Variants in PPP1R9A observed in about 807,000 individuals in gnomAD.
PPP1R9A encodes neurabin-1.
A neutral mutation model predicts 141.9 loss-of-function variants in PPP1R9A; 59 were observed. The ratio of observed to expected loss-of-function variants is 0.42; its 90% CI spans 0.34 to 0.52. The LOEUF (loss-of-function observed/expected upper bound fraction) is 0.52, where lower values mean the gene tolerates loss of function less well. PPP1R9A is among the 20% of genes least tolerant of loss of function. The probability of loss-of-function intolerance (pLI) is 0.10; values close to 1 mark genes in which losing one functional copy is unlikely to be tolerated. For missense variants in PPP1R9A, 1,444 were observed against 1,611.9 expected (o/e 0.90, Z 1.78); for synonymous variants, 500 against 569.7 (o/e 0.88, Z 1.74).
At chr7:95,025,456 G>T (rs6943421) in intron 2 of PPP1R9A, among the ~76,000 whole-genome samples, 55,488 of 152,010 alleles carry the variant, frequency 0.37, 11,317 homozygotes, top group Middle Eastern at 0.5. Flanking sequence ...TAGCCTGATG[G>T]GCTTGCCTTT....
intron 4 of PPP1R9A, among the ~76,000 whole-genome samples, chr7:95,141,582 G>T (rs1264198817): frequency 4.0e-5 from 6 of 150,608 alleles, no homozygotes; most frequent in Non-Finnish European, 8.8e-5. Flanking sequence ...TATACATTTG[G>T]CTCTCCTGGC....
intron 7 of PPP1R9A, among the ~76,000 whole-genome samples, chr7:95,208,956 TAAAA>T (rs10670515): frequency 1.0e-4 from 8 of 76,922 alleles, no homozygotes; most frequent in Non-Finnish European, 1.7e-4. Context: ...ATAGCAAAAC[TAAAA>T]AAAAAAAAAA....
chr7:94,930,818 A>T (rs73423017), intron 2 of PPP1R9A, among the ~76,000 whole-genome samples: 22 of 152,318 alleles, frequency 1.4e-4, no homozygotes, highest in African/African-American at 5.3e-4. Context: ...GGTTAACATT[A>T]CCTATTTAGC....
At chr7:95,160,562 G>A (rs1830329097) in intron 4 of PPP1R9A, among the ~76,000 whole-genome samples, 1 of 151,522 alleles carries the variant, frequency 6.6e-6, no homozygotes, top group South Asian at 2.1e-4. Context: ...TACATGTGCA[G>A]ATTTGTTACC....
chr7:95,223,899 AGTCT>A (rs1308514135), intron 7 of PPP1R9A, among the ~76,000 whole-genome samples: 1 of 152,044 alleles, frequency 6.6e-6, no homozygotes, highest in African/African-American at 2.4e-5. Flanking sequence ...TTTACTTGCC[AGTCT>A]TGCTGCATTC....
At chr7:94,936,011 A>G (rs1020426072) in intron 2 of PPP1R9A, among the ~76,000 whole-genome samples, 1 of 152,202 alleles carries the variant, frequency 6.6e-6, no homozygotes, top group African/African-American at 2.4e-5. Flanking sequence ...GGCTATGTTT[A>G]CATTTGTAAA....
Position 94,974,547 on chromosome 7 carries a change from A to G in PPP1R9A, c.1395+63039A>G, listed in dbSNP as rs1204544047. Among the ~76,000 whole-genome samples, 3 of 152,192 alleles carry G rather than the reference A, an allele frequency of 2.0e-5. No individual in the cohort carries two copies. The East Asian group carries it at 5.8e-4, about 29-fold the overall frequency. On this transcript the variant is annotated intron_variant, in intron 2 of 19. Transcript: ENST00000433360. ...AAGGTGTTGGAAAAAGAACAAGAGC[A>G]TGTCCTTTTCTTCTGATTAATTCAT...
chr7:94,910,425 A>C lies in PPP1R9A; in HGVS notation c.312A>C (p.Glu104Asp). 2 of 1,614,136 alleles carry C rather than the reference A, an allele frequency of 1.2e-6. No homozygotes were observed. Among genetic ancestry groups the C allele is most frequent in the Non-Finnish European group, 8.5e-7 (1 of 1,180,018 alleles). ...CTCAGAGAAGAATGAAGCCCAAAGA[A>C]TTTCTGGAAAAAACAGATGGCTCAG... ...SSPQRRMKPK[E>D]FLEKTDGSVV... The change falls in exon 2 of 20, where the codon GAA (glutamate) becomes GAC (aspartate). Residue 104 changes from glutamate (E) to aspartate (D), a missense_variant. By Grantham distance (45) the Glu-to-Asp change is conservative. Coordinates refer to ENST00000433360, the MANE Select transcript of PPP1R9A (RefSeq NM_001166160.2). This position sits in a 1 kb window ranked among gnomAD's most constrained non-coding sequence, Gnocchi z 4.5.
intron 2 of PPP1R9A, among the ~76,000 whole-genome samples, chr7:94,979,738 T>C (rs1243189879): frequency 2.0e-5 from 3 of 152,202 alleles, no homozygotes; most frequent in Non-Finnish European, 4.4e-5. Flanking sequence ...TTTACTCAGC[T>C]TTTGTTTTTA....
At chr7:95,265,530 T>C (rs1801157393) in intron 12 of PPP1R9A, among the ~76,000 whole-genome samples, 1 of 152,182 alleles carries the variant, frequency 6.6e-6, no homozygotes, top group Non-Finnish European at 1.5e-5. Flanking sequence ...AGCATAAATC[T>C]TATACACATT....
At chr7:95,278,565 C>A (rs912358214) in intron 16 of PPP1R9A, among the ~76,000 whole-genome samples, 1 of 152,028 alleles carries the variant, frequency 6.6e-6, no homozygotes, top group Non-Finnish European at 1.5e-5. Context: ...CCCCATTATT[C>A]AGTTGGTCTA....
intron 12 of PPP1R9A, among the ~76,000 whole-genome samples, chr7:95,254,800 T>A (rs921077964): frequency 3.3e-5 from 5 of 152,182 alleles, no homozygotes; most frequent in African/African-American, 1.2e-4. Flanking sequence ...ACTCTTAATA[T>A]TGAATTATAA....
intron 2 of PPP1R9A, among the ~76,000 whole-genome samples, chr7:95,057,090 G>A (rs1361723107): frequency 6.6e-6 from 1 of 152,240 alleles, no homozygotes; most frequent in African/African-American, 2.4e-5. Context: ...GACTTCATCA[G>A]AAGCCTCATT....
intron 3 of PPP1R9A, among the ~76,000 whole-genome samples, chr7:95,114,761 T>A (rs1200699654): frequency 1.3e-5 from 2 of 152,026 alleles, no homozygotes; most frequent in Non-Finnish European, 2.9e-5. Flanking sequence ...TGGAAAAATG[T>A]TAAAGGTTCC....
rs761327506 is a variant in PPP1R9A, at chr7:95,226,008, C to G, written c.2004C>G (p.Val668=). The change falls in exon 8 of 20, where the codon GTC becomes GTG. Residue 668 remains valine (V), a synonymous_variant. Transcript: ENST00000433360. ...AAGAAGAAGATGAGGTAGGACCTGT[C>G]CTTCCTGGCAGCGACATGGCCATTG... ...TDEEEDEVGP[V]LPGSDMAIEV... 6.2e-7 allele frequency: 1 copy of G among 1,613,514 alleles called. No homozygotes were observed. The highest frequency in any genetic ancestry group is 1.1e-5 in the South Asian group (1 of 91,036).
intron 2 of PPP1R9A, among the ~76,000 whole-genome samples, chr7:95,073,401 G>C (rs1814296251): frequency 6.6e-6 from 1 of 152,054 alleles, no homozygotes; most frequent in Non-Finnish European, 1.5e-5. Flanking sequence ...TTTGACTCTG[G>C]TATAGTTGTT....
At chr7:95,104,152 T>C (rs2152415364) in intron 2 of PPP1R9A, among the ~76,000 whole-genome samples, 1 of 152,320 alleles carries the variant, frequency 6.6e-6, no homozygotes, top group South Asian at 2.1e-4. Flanking sequence ...GCCTTAGAAA[T>C]ATTTTATGTA....
intron 2 of PPP1R9A, among the ~76,000 whole-genome samples, chr7:94,999,656 G>A (rs1802612211): frequency 6.6e-6 from 1 of 152,054 alleles, no homozygotes; most frequent in Non-Finnish European, 1.5e-5. Flanking sequence ...GATGAACTAA[G>A]CCCAATAAAA....
chr7:95,015,374 CT>C (rs1332815865), intron 2 of PPP1R9A, among the ~76,000 whole-genome samples: 1 of 151,948 alleles, frequency 6.6e-6, no homozygotes, highest in Admixed American at 6.6e-5. Context: ...TGATAGGAAG[CT>C]TTATCAAATA....
Sources: allele counts gnomAD v4.1 joint callset (sites outside exome capture counted in the v4.1 genomes callset), GRCh38; gene constraint gnomAD v4.1.1; non-coding constraint Gnocchi (gnomAD v3.1); transcripts MANE v1.5; gene names NCBI Gene and HGNC (gene_info 2026-07-23, HGNC 2026-07-21).